Variants in SNTG1 observed in about 807,000 individuals in gnomAD.
The protein encoded by SNTG1 is syntrophin gamma 1, also known as gamma-1-syntrophin.
In SNTG1, 39 loss-of-function variants were observed where a neutral mutation model predicts 74.7. That is an observed-to-expected ratio of 0.52 (90% CI 0.40 to 0.68). SNTG1 has a LOEUF of 0.68. Ranked by LOEUF, SNTG1 falls within the 30% of genes least tolerant of loss-of-function variation. The pLI, the probability that SNTG1 is intolerant of heterozygous loss-of-function variation, is 0.00. For synonymous variants in SNTG1, 254 were observed against 217.1 expected (o/e 1.17, Z -1.49); for missense variants, 685 against 609.5 (o/e 1.12, Z -1.30).
At chr8:50,095,760 A>T (rs989819157) in intron 1 of SNTG1, among the ~76,000 whole-genome samples, 2 of 152,100 alleles carry the variant, frequency 1.3e-5, no homozygotes, top group Admixed American at 1.3e-4. Flanking sequence ...AAAATGTGGA[A>T]AAAAACTGAA....
intron 1 of SNTG1, among the ~76,000 whole-genome samples, chr8:50,117,410 T>A (rs1387537709): frequency 6.6e-6 from 1 of 152,152 alleles, no homozygotes; most frequent in Non-Finnish European, 1.5e-5. Context: ...GAAAGAATTG[T>A]CCTTATCTAA....
intron 2 of SNTG1, among the ~76,000 whole-genome samples, chr8:50,393,604 C>T (rs1453218357): frequency 6.6e-6 from 1 of 152,120 alleles, no homozygotes; most frequent in Admixed American, 6.5e-5. Context: ...TTTAAATCTA[C>T]ATTCATCATT....
At chr8:50,471,165 A>G (rs2093650952) in intron 8 of SNTG1, among the ~76,000 whole-genome samples, 1 of 152,046 alleles carries the variant, frequency 6.6e-6, no homozygotes, top group Non-Finnish European at 1.5e-5. Context: ...TTAACCTCTC[A>G]ACATCAGTGC....
intron 8 of SNTG1, among the ~76,000 whole-genome samples, chr8:50,490,289 T>G (rs1207432761): frequency 6.6e-6 from 1 of 152,168 alleles, no homozygotes; most frequent in Non-Finnish European, 1.5e-5. Flanking sequence ...TGAACGTAGT[T>G]TTTTCTAATT....
chr8:50,139,388 C>G (rs2081584862), intron 1 of SNTG1, among the ~76,000 whole-genome samples: 1 of 152,022 alleles, frequency 6.6e-6, no homozygotes, highest in Admixed American at 6.6e-5. Context: ...TAGGTAAACC[C>G]TAAATATGGA....
intron 1 of SNTG1, among the ~76,000 whole-genome samples, chr8:50,009,578 A>G (rs1815572483): frequency 6.6e-6 from 1 of 152,164 alleles, no homozygotes; most frequent in Admixed American, 6.5e-5. Context: ...CATTGTTTCT[A>G]TATTTGTCTG....
chr8:50,331,123 G>T (rs2090948863), intron 2 of SNTG1, among the ~76,000 whole-genome samples: 1 of 152,090 alleles, frequency 6.6e-6, no homozygotes, highest in African/African-American at 2.4e-5. Flanking sequence ...GTGTGTGTAT[G>T]TGCACATTTG....
At chr8:50,360,141 T>A (rs1162997814) in intron 2 of SNTG1, among the ~76,000 whole-genome samples, 2 of 152,074 alleles carry the variant, frequency 1.3e-5, no homozygotes, top group Non-Finnish European at 2.9e-5. Context: ...AGATAGATCA[T>A]CATCACTACA....
intron 11 of SNTG1, among the ~76,000 whole-genome samples, chr8:50,540,087 AG>A (rs1374479539): frequency 4.6e-5 from 7 of 152,154 alleles, no homozygotes; most frequent in Non-Finnish European, 2.9e-5. Context: ...TTCACCTCAC[AG>A]GGGCTTCCCA....
At chr8:50,733,903 T>C (rs2095519135) in intron 17 of SNTG1, among the ~76,000 whole-genome samples, 1 of 151,860 alleles carries the variant, frequency 6.6e-6, no homozygotes, top group Non-Finnish European at 1.5e-5. Flanking sequence ...TAAATGAATT[T>C]GTAATTTCTT....
At chr8:50,506,862 G>T (rs536054630) in intron 9 of SNTG1, among the ~76,000 whole-genome samples, 1 of 152,068 alleles carries the variant, frequency 6.6e-6, no homozygotes, top group Non-Finnish European at 1.5e-5. Flanking sequence ...TAGAAGACTT[G>T]AGAGTGGGCA....
intron 13 of SNTG1, among the ~76,000 whole-genome samples, chr8:50,615,067 C>T (rs974147060): frequency 5.3e-5 from 8 of 151,666 alleles, no homozygotes; most frequent in African/African-American, 1.2e-4. Context: ...CTCAGCCTCC[C>T]GAGTAGCTAG....
At chr8:50,338,316 C>T (rs1481964957) in intron 2 of SNTG1, among the ~76,000 whole-genome samples, 1 of 152,094 alleles carries the variant, frequency 6.6e-6, no homozygotes, top group African/African-American at 2.4e-5. Context: ...TGCAATAGCT[C>T]ACACTAATGA....
At chr8:50,167,580 T>G (rs1456108179) in intron 1 of SNTG1, among the ~76,000 whole-genome samples, 5 of 150,962 alleles carry the variant, frequency 3.3e-5, no homozygotes, top group African/African-American at 1.2e-4. Flanking sequence ...GCAGATTGCT[T>G]GAGCCCACGA....
intron 12 of SNTG1, among the ~76,000 whole-genome samples, chr8:50,568,412 C>A (rs528360810): frequency 2.6e-5 from 4 of 152,158 alleles, no homozygotes; most frequent in Admixed American, 1.3e-4. Flanking sequence ...TTTTGAGGAA[C>A]CTCCCTACAG....
intron 1 of SNTG1, among the ~76,000 whole-genome samples, chr8:50,132,391 C>T (rs1586411050): frequency 6.6e-6 from 1 of 152,032 alleles, no homozygotes; most frequent in Non-Finnish European, 1.5e-5. Flanking sequence ...ACAGTAGATC[C>T]TGTGACAAAA....
At chr8:50,576,446 G>T (rs1179873566) in intron 12 of SNTG1, among the ~76,000 whole-genome samples, 1 of 152,158 alleles carries the variant, frequency 6.6e-6, no homozygotes. Context: ...GGCAATTCGG[G>T]AGGGCCCTTG....
At chr8:49,955,491 G>A (rs318884) in intron 1 of SNTG1, among the ~76,000 whole-genome samples, 132,190 of 152,248 alleles carry the variant, frequency 0.87, 57,566 homozygotes, top group East Asian at 1. Context: ...ACAGGCAAGA[G>A]GTAAAGCTCT....
At chr8:50,552,282 C>A (rs879785234) in intron 11 of SNTG1, among the ~76,000 whole-genome samples, 4 of 152,136 alleles carry the variant, frequency 2.6e-5, no homozygotes, top group Non-Finnish European at 5.9e-5. Context: ...GTAAGGAAGT[C>A]ATTGAAGCTA....
Sources: gnomAD v4.1 joint callset for allele counts (sites outside exome capture counted in the v4.1 genomes callset) on GRCh38, gnomAD v4.1.1 for gene constraint, MANE v1.5 for transcripts, NCBI Gene and HGNC (gene_info 2026-07-23, HGNC 2026-07-21) for gene names.